The following CECR2 variants were observed in gnomAD, a reference collection of about 807,000 sequenced individuals.
CECR2 encodes chromatin remodeling regulator CECR2.
Under a neutral mutation model 154.5 loss-of-function variants are expected in CECR2, and 30 were observed. The ratio of observed to expected loss-of-function variants is 0.19; its 90% CI spans 0.15 to 0.26. The LOEUF (loss-of-function observed/expected upper bound fraction) is 0.26, where lower values mean the gene tolerates loss of function less well. CECR2 is among the 10% of genes least tolerant of loss of function. CECR2 has a pLI of 1.00. For missense variants in CECR2, 1,743 were observed against 1,829.3 expected (o/e 0.95, Z 0.86); for synonymous variants, 725 against 683.7 (o/e 1.06, Z -0.94).
chr22:17,421,653 C>G (rs1427930487), intron 1 of CECR2, among the ~76,000 whole-genome samples: 2 of 122,820 alleles, frequency 1.6e-5, no homozygotes, highest in East Asian at 4.8e-4. Flanking sequence ...ATTAGCCAGG[C>G]ATGGTGGCAG....
chr22:17,505,534 CTTTT>C (rs11387639), intron 7 of CECR2, among the ~76,000 whole-genome samples: 4 of 98,836 alleles, frequency 4.0e-5, no homozygotes, highest in Non-Finnish European at 5.7e-5. Context: ...CCTCTTTTTC[CTTTT>C]TTTTTTTTTT....
At chr22:17,517,024 G>C (rs972747652) in intron 8 of CECR2, among the ~76,000 whole-genome samples, 1 of 149,744 alleles carries the variant, frequency 6.7e-6, no homozygotes, top group Non-Finnish European at 1.5e-5. Flanking sequence ...GATTATAGGC[G>C]CCTGCCACCA....
At chr22:17,476,407 G>C (rs531829363) in intron 1 of CECR2, among the ~76,000 whole-genome samples, 1 of 151,918 alleles carries the variant, frequency 6.6e-6, no homozygotes, top group Admixed American at 6.6e-5. Flanking sequence ...GATCACAGGT[G>C]CGTGCCACCA....
chr22:17,382,159 G>C (rs9605270), intron 1 of CECR2, among the ~76,000 whole-genome samples: 1 of 151,870 alleles, frequency 6.6e-6, no homozygotes, highest in African/African-American at 2.4e-5. Context: ...CAAAGTGCTG[G>C]GATTACAGGC....
At chr22:17,413,348 G>C (rs935468755) in intron 1 of CECR2, among the ~76,000 whole-genome samples, 2 of 152,182 alleles carry the variant, frequency 1.3e-5, no homozygotes, top group African/African-American at 4.8e-5. Context: ...TACCCTGTAA[G>C]ATCTGCAGTC....
chr22:17,402,490 A>G (rs2053910011), intron 1 of CECR2, among the ~76,000 whole-genome samples: 1 of 152,198 alleles, frequency 6.6e-6, no homozygotes, highest in African/African-American at 2.4e-5. Context: ...GCCATAAGAC[A>G]GTGAGTAAAT....
At chr22:17,503,451 A>G (rs1012226610) in intron 6 of CECR2, among the ~76,000 whole-genome samples, 9 of 152,200 alleles carry the variant, frequency 5.9e-5, no homozygotes, top group African/African-American at 1.9e-4. Flanking sequence ...TCATGACACA[A>G]TGGTTTCCTT....
intron 2 of CECR2, among the ~76,000 whole-genome samples, chr22:17,480,704 G>A (rs1161974621): frequency 6.6e-6 from 1 of 152,080 alleles, no homozygotes; most frequent in Non-Finnish European, 1.5e-5. Context: ...ATGTTTACCT[G>A]TTATGCCTCC....
At chr22:17,544,149 T>C (rs116558673) in intron 16 of CECR2, among the ~76,000 whole-genome samples, 3,165 of 152,192 alleles carry the variant, frequency 0.021, 112 homozygotes, top group African/African-American at 0.073. Context: ...ATGGATCAGT[T>C]GAGCCCAGGA....
chr22:17,474,721 A>G (rs5746415), intron 1 of CECR2, among the ~76,000 whole-genome samples: 12,363 of 152,294 alleles, frequency 0.081, 633 homozygotes, highest in South Asian at 0.23. Flanking sequence ...CACATAGTAA[A>G]AGTGATCCTC....
At chr22:17,486,861 C>T (rs2055430336) in intron 2 of CECR2, among the ~76,000 whole-genome samples, 1 of 152,158 alleles carries the variant, frequency 6.6e-6, no homozygotes. Context: ...ACCACACAAT[C>T]ACCTAAGGGT....
In CECR2 at chr22:17,503,106, G is replaced by A. The variant is rs757304669; in HGVS notation, c.675G>A (p.Leu225=). Residue 225 remains leucine, a synonymous_variant, in exon 6 of 19, where the codon TTG becomes TTA. Coordinates refer to ENST00000262608, the MANE Select transcript of CECR2 (RefSeq NM_001290047.2). ...GTGAAAAGCAGGAAGAAAATTCCTT[G>A]GCATCCGAGCCACAGACAAGACATG... ...LLSEKQEENS[L]ASEPQTRHGS... 1 of 1,610,570 alleles carries A rather than the reference G, an allele frequency of 6.2e-7. No individual in the cohort carries two copies. Among genetic ancestry groups the A allele is most frequent in the South Asian group, 1.1e-5 (1 of 90,450 alleles).
intron 2 of CECR2, among the ~76,000 whole-genome samples, chr22:17,495,943 A>T (rs1028236432): frequency 1.3e-4 from 19 of 151,624 alleles, no homozygotes; most frequent in Non-Finnish European, 2.4e-4. Flanking sequence ...CTGGAGACCA[A>T]GGTGGGAGGA....
At chr22:17,504,076 A>AAATAAATAAATG (rs1360099960) in intron 6 of CECR2, among the ~76,000 whole-genome samples, 2 of 144,234 alleles carry the variant, frequency 1.4e-5, no homozygotes, top group Non-Finnish European at 3.1e-5. Flanking sequence ...ATAAATAAAT[A>AAATAAATAAATG]AAATTTAAAA....
chr22:17,538,389 G>C (rs2056469498), intron 10 of CECR2, 131 bp from the exon 11 acceptor site: 2 of 788,120 alleles, frequency 2.5e-6, no homozygotes, highest in Non-Finnish European at 4.4e-6. Context: ...AGTGTCACAG[G>C]CTCATCTAAA....
rs1385988503 is a variant in CECR2 at position 17,435,998 on chromosome 22, A to G, written c.127-41590A>G. On this transcript the variant is annotated intron_variant, in intron 1 of 18. Coordinates refer to ENST00000262608, the MANE Select transcript of CECR2 (RefSeq NM_001290047.2). ...CTCCCTCTGTCTGTCTCGCTCTGTC[A>G]CCCAGGCTGGAGTGCAGTGGCACCA... is the stretch of plus-strand genomic sequence containing the variant. 2.0e-5 allele frequency among the ~76,000 whole-genome samples: 3 copies of G among 151,738 alleles called. No homozygotes were observed. The South Asian group carries it at 6.3e-4, about 32-fold the overall frequency.
intron 8 of CECR2, among the ~76,000 whole-genome samples, chr22:17,523,014 A>AGGG (rs1184925448): frequency 8.2e-4 from 120 of 146,066 alleles, no homozygotes; most frequent in African/African-American, 2.4e-3. Context: ...CGGGGGGAAA[A>AGGG]AAAAAAGCCT....
At chr22:17,414,515 G>A (rs1042741610) in intron 1 of CECR2, among the ~76,000 whole-genome samples, 2 of 92,142 alleles carry the variant, frequency 2.2e-5, no homozygotes, top group Admixed American at 2.2e-4. Context: ...TTTTTTTCCT[G>A]ATTTTTTTTT....
At chr22:17,534,978 G>A (rs1158583255) in intron 9 of CECR2, among the ~76,000 whole-genome samples, 11 of 151,330 alleles carry the variant, frequency 7.3e-5, no homozygotes, top group South Asian at 2.1e-4. Flanking sequence ...GTGAAACCCC[G>A]TCTCTACTAA....
Sources: allele counts gnomAD v4.1 joint callset (sites outside exome capture counted in the v4.1 genomes callset), GRCh38; gene constraint gnomAD v4.1.1; transcripts MANE v1.5; gene names NCBI Gene and HGNC (gene_info 2026-07-23, HGNC 2026-07-21).